Variants in CFHR5 observed in about 807,000 individuals in gnomAD.
CFHR5 encodes the protein complement factor H-related protein 5.
In CFHR5, 73 loss-of-function variants were observed where a neutral mutation model predicts 62.9. That is an observed-to-expected ratio of 1.16 (90% CI 0.96 to 1.41). The LOEUF is 1.41. Ranked by LOEUF, CFHR5 falls within the 40% of genes most tolerant of loss-of-function variation. The probability of loss-of-function intolerance (pLI) is 0.00; values close to 1 mark genes in which losing one functional copy is unlikely to be tolerated. For missense variants in CFHR5, 779 were observed against 679.9 expected (o/e 1.15, Z -1.62); for synonymous variants, 249 against 227.2 (o/e 1.10, Z -0.86).
At position 197,002,658 on chromosome 1, in the gene CFHR5, T is replaced by A. The variant is rs1187900943; in HGVS notation, c.1324T>A (p.Cys442Ser). The A allele has an allele frequency of 1.9e-6, 3 of 1,612,158 alleles. No homozygotes were observed. The highest frequency in any genetic ancestry group is 2.5e-6 in the Non-Finnish European group (3 of 1,178,474). Reference protein sequence around the residue: ...KDGRWQSLPRCVESTAYCGPP... With the variant: ...KDGRWQSLPRSVESTAYCGPP... ...TGGACGATGGCAATCATTACCACGC[T>A]GTGTTGGTTAGTAGTTTATTTCTAA... The change falls in exon 8 of 10, where the codon TGT (cysteine) becomes AGT (serine). Residue 442 changes from cysteine (C) to serine (S), a missense_variant. Physicochemically the swap from Cys to Ser is moderately radical, Grantham distance 112 (BLOSUM62 -1). Coordinates refer to ENST00000256785, the MANE Select transcript of CFHR5 (RefSeq NM_030787.4).
chr1:197,006,627 A>G (rs1426764912), intron 9 of CFHR5, among the ~76,000 whole-genome samples: 1 of 151,102 alleles, frequency 6.6e-6, no homozygotes, highest in African/African-American at 2.4e-5. Flanking sequence ...CAGGAGAATC[A>G]TTTGAACCTG....
At chr1:196,987,976 C>T (rs942413090) in intron 3 of CFHR5, among the ~76,000 whole-genome samples, 2 of 152,098 alleles carry the variant, frequency 1.3e-5, no homozygotes, top group South Asian at 4.1e-4. Flanking sequence ...GCCATTTTCA[C>T]GATATTGATT....
chr1:196,995,668 C>A, intron 4 of CFHR5, 49 bp from the exon 5 acceptor site: 1 of 1,512,246 alleles, frequency 6.6e-7, no homozygotes, highest in Non-Finnish European at 9.2e-7. Context: ...CCACATTTTT[C>A]TATACTTATA....
chr1:196,998,011 G>A, intron 6 of CFHR5, 117 bp from the exon 7 acceptor site: 1 of 676,548 alleles, frequency 1.5e-6, no homozygotes. Flanking sequence ...TGTGCAATGA[G>A]ATTAAGAATA....
intron 1 of CFHR5, among the ~76,000 whole-genome samples, chr1:196,979,186 G>C (rs1000815013): frequency 2.0e-5 from 3 of 151,978 alleles, no homozygotes; most frequent in South Asian, 2.1e-4. Context: ...CTACTACTTA[G>C]AGTGTCCTAA....
rs1653911984 is a variant in CFHR5 at position 196,993,727 on chromosome 1, T to G, written c.431-353T>G. Among the ~76,000 whole-genome samples the G allele has an allele frequency of 3.9e-5, 6 of 152,204 alleles. 1 individual carries two copies. The South Asian group carries it at 6.2e-4, about 16-fold the overall frequency. On this transcript the variant is annotated intron_variant, in intron 3 of 9. Coordinates refer to ENST00000256785, the MANE Select transcript of CFHR5 (RefSeq NM_030787.4). ...AAAAAAATATTCCTATTCTGTATTA[T>G]AAACAAATAATGTTATTAAACTTAT...
At chr1:197,004,393 T>C (rs1654231396) in intron 8 of CFHR5, among the ~76,000 whole-genome samples, 1 of 152,116 alleles carries the variant, frequency 6.6e-6, no homozygotes, top group Admixed American at 6.6e-5. Flanking sequence ...CAATTGAATA[T>C]TAAGGGGTGG....
At chr1:196,975,162 A>G (rs959568788), upstream of CFHR5, among the ~76,000 whole-genome samples, 1 of 152,200 alleles carries the variant, frequency 6.6e-6, no homozygotes, top group Non-Finnish European at 1.5e-5. Context: ...CTGAGTATTC[A>G]GTTTTGACCA....
Position 197,008,899 on chromosome 1 carries a change from T to G in CFHR5, c.*216T>G. 1 of 519,294 alleles carries G rather than the reference T, an allele frequency of 1.9e-6. No individual in the cohort carries two copies. The highest frequency in any genetic ancestry group is 3.4e-5 in the East Asian group (1 of 29,380). The allele number at this position is 519,294 out of a possible 1,614,324, so 32.2% of individuals were successfully genotyped here. The stretch of plus-strand genomic sequence containing the variant: ...GGGTGTCTTAGTCCATATTACATTG[T>G]TATAACAGAGTATCACAGACTGGAT... On this transcript the variant is annotated 3_prime_UTR_variant, in exon 10 of 10. Coordinates refer to ENST00000256785, the MANE Select transcript of CFHR5 (RefSeq NM_030787.4).
intron 5 of CFHR5, 26 bp from the exon 6 acceptor site, chr1:196,995,996 G>A (rs200671942): frequency 1.2e-4 from 197 of 1,609,044 alleles, no homozygotes; most frequent in Middle Eastern, 1.2e-3. Context: ...TTCAGAGTAA[G>A]CACTCATTTT....
At chr1:196,975,347 A>T (rs1329520044), upstream of CFHR5, among the ~76,000 whole-genome samples, 2 of 152,216 alleles carry the variant, frequency 1.3e-5, no homozygotes, top group Non-Finnish European at 2.9e-5. Context: ...TCTATGAACA[A>T]TTTTTGAGCT....
At chr1:196,976,842 T>A (rs2125023431), upstream of CFHR5, among the ~76,000 whole-genome samples, 1 of 145,260 alleles carries the variant, frequency 6.9e-6, no homozygotes, top group South Asian at 2.3e-4. Flanking sequence ...TCTCGCTCTG[T>A]CGCCCAGGCT....
intron 6 of CFHR5, among the ~76,000 whole-genome samples, chr1:196,997,077 T>C (rs933203010): frequency 2.6e-5 from 4 of 152,120 alleles, no homozygotes; most frequent in African/African-American, 9.7e-5. Context: ...ACAAGCAGAC[T>C]TTCCGCCGCT....
Position 197,008,488 on chromosome 1 carries a change from T to A in CFHR5, c.1515T>A (p.Asp505Glu). 1.9e-6 allele frequency: 3 copies of A among 1,574,110 alleles called. No homozygotes were observed. Among genetic ancestry groups the A allele is most frequent in the Non-Finnish European group, 2.6e-6 (3 of 1,151,852 alleles). Reference sequence around the variant, plus strand: ...TTATTTTACCATTTCTTCTTTCAGATCCATGTGTGGTATCTGAAGAAAACA... The same window carrying A: ...TTATTTTACCATTTCTTCTTTCAGAACCATGTGTGGTATCTGAAGAAAACA... ...KQWSEPPRCL[D>E]PCVVSEENMN... The change falls in exon 10 of 10, where the codon GAT (aspartate) becomes GAA (glutamate). Residue 505 changes from aspartate (D) to glutamate (E), a missense_variant and splice_region_variant. Asp to Glu is a conservative substitution (Grantham distance 45). Coordinates refer to ENST00000256785, the MANE Select transcript of CFHR5 (RefSeq NM_030787.4).
chr1:197,000,454 T>G (rs2125037791), intron 7 of CFHR5, among the ~76,000 whole-genome samples: 1 of 152,306 alleles, frequency 6.6e-6, no homozygotes, highest in East Asian at 1.9e-4. Flanking sequence ...TGTCCAATTC[T>G]AAAAGGAAAG....
At chr1:196,977,500 C>A (rs939111637), upstream of CFHR5, 4 of 704,638 alleles carry the variant, frequency 5.7e-6, no homozygotes, top group East Asian at 2.7e-5. Context: ...TTTCACACAA[C>A]CCTCCATGAA....
At chr1:196,984,194 G>T in intron 3 of CFHR5, 57 bp downstream of exon 3, 1 of 1,368,300 alleles carries the variant, frequency 7.3e-7, no homozygotes, top group Non-Finnish European at 1.0e-6. Context: ...TAAATCTATA[G>T]TTTATAGATT....
At chr1:197,004,912 C>A in intron 9 of CFHR5, 69 bp downstream of exon 9, 1 of 1,150,912 alleles carries the variant, frequency 8.7e-7, no homozygotes, top group Non-Finnish European at 1.3e-6. Flanking sequence ...GGACTAATTT[C>A]ATAGAATAAC....
rs780891284 is a variant in CFHR5, at chr1:196,984,111, C to T, written c.404C>T (p.Ser135Phe). ...ATTTCGTGTGTAGAACGGGGCTGGTCCACTCCTCCCATATGCAGCTTCACT... is the reference window on the plus strand; with the variant it reads ...ATTTCGTGTGTAGAACGGGGCTGGTTCACTCCTCCCATATGCAGCTTCACT... Reference protein sequence around the residue: ...KNISCVERGWSTPPICSFTKG... With the variant: ...KNISCVERGWFTPPICSFTKG... Residue 135 changes from serine to phenylalanine, a missense_variant, in exon 3 of 10, where the codon TCC becomes TTC. Ser to Phe is a radical substitution (Grantham distance 155, BLOSUM62 -2). Transcript: ENST00000256785. 2 of 1,612,280 alleles carry T rather than the reference C, an allele frequency of 1.2e-6. No homozygotes were observed.
Sources: allele counts gnomAD v4.1 joint callset (sites outside exome capture counted in the v4.1 genomes callset), GRCh38; gene constraint gnomAD v4.1.1; transcripts MANE v1.5; gene names NCBI Gene and HGNC (gene_info 2026-07-23, HGNC 2026-07-21).